PHF3: variants seen among roughly 807,000 people sequenced by gnomAD.
PHF3 encodes the protein PHD finger protein 3.
PHF3 carries 41 observed loss-of-function variants against 178.4 expected under a neutral mutation model. The observed-to-expected ratio is 0.23, with a 90% CI of 0.18 to 0.30. The LOEUF is 0.30. PHF3 is among the 10% of genes least tolerant of loss of function. The pLI is 1.00. For missense variants in PHF3, 2,346 were observed against 2,398.1 expected, an observed-to-expected ratio of 0.98 and a Z score of 0.45; for synonymous variants, 842 against 800.5, an observed-to-expected ratio of 1.05 and a Z score of -0.88.
intron 1 of PHF3, 63 bp from the exon 2 acceptor site, chr6:63,646,464 G>T: frequency 9.0e-7 from 1 of 1,109,378 alleles, no homozygotes; most frequent in Non-Finnish European, 1.3e-6. Context: ...AAAATAATTT[G>T]GTATTAGGTG....
At position 63,684,164 on chromosome 6, in the gene PHF3, A is replaced by C. The variant is rs1395886555; in HGVS notation, c.442A>C (p.Lys148Gln). Residue 148 changes from lysine (K) to glutamine (Q), a missense_variant, in exon 4 of 16, where the codon AAG becomes CAG. By Grantham distance (53) the Lys-to-Gln change is moderately conservative. Transcript: ENST00000262043. ...VRSLRQSTIA[K>Q]RSNAAPLSNT... is the part of the protein sequence containing the mutation. ...AAGTTTGCGACAGAGCACTATTGCCAAGCGTTCAAATGCAGCACCATTAAG... is the reference window on the plus strand; with the variant it reads ...AAGTTTGCGACAGAGCACTATTGCCCAGCGTTCAAATGCAGCACCATTAAG... 1 of 1,612,522 alleles carries C rather than the reference A, an allele frequency of 6.2e-7. No homozygotes were observed. Among genetic ancestry groups the C allele is most frequent in the Admixed American group, 1.7e-5 (1 of 59,694 alleles).
At chr6:63,703,302 C>T (rs941427961) in intron 10 of PHF3, among the ~76,000 whole-genome samples, 1 of 151,936 alleles carries the variant, frequency 6.6e-6, no homozygotes, top group African/African-American at 2.4e-5. Context: ...TGAAATCTTA[C>T]TAGAAGGCTT....
chr6:63,695,449 C>G (rs1767192984), intron 6 of PHF3, among the ~76,000 whole-genome samples: 2 of 152,270 alleles, frequency 1.3e-5, no homozygotes, highest in South Asian at 4.1e-4. Context: ...CCAAGGATCC[C>G]AGAATTCCAG....
chr6:63,637,675 A>G (rs1310035154), intron 1 of PHF3, among the ~76,000 whole-genome samples: 3 of 152,104 alleles, frequency 2.0e-5, no homozygotes, highest in African/African-American at 7.2e-5. Flanking sequence ...TTATTTTACA[A>G]TACATACTTC....
intron 14 of PHF3, among the ~76,000 whole-genome samples, chr6:63,710,041 C>G (rs1767861825): frequency 6.6e-6 from 1 of 152,030 alleles, no homozygotes; most frequent in Non-Finnish European, 1.5e-5. Context: ...ATAAATAAAT[C>G]TTGAATGAAT....
intron 3 of PHF3, among the ~76,000 whole-genome samples, chr6:63,683,148 CTA>C (rs1766512698): frequency 6.6e-6 from 1 of 151,816 alleles, no homozygotes; most frequent in South Asian, 2.1e-4. Flanking sequence ...ATAAGGATGA[CTA>C]TATAATTTTA....
At position 63,725,413 on chromosome 6, in the gene PHF3, C is replaced by T. The variant is rs1235124855; in HGVS notation, c.*11705C>T. On this transcript the variant is annotated 3_prime_UTR_variant, in exon 16 of 16. Transcript: ENST00000262043. ...TCCTGAATATACCTTGATTTTCTGC[C>T]CTCTTACATAGGTCCCACTTAACAT... Among the ~76,000 whole-genome samples, 3 of 152,022 alleles carry T rather than the reference C, an allele frequency of 2.0e-5. No homozygotes were observed. The highest frequency in any genetic ancestry group is 4.4e-5 in the Non-Finnish European group (3 of 67,970).
In PHF3 at chr6:63,715,525, A is replaced by T. The variant is rs1180603385; in HGVS notation, c.*1817A>T. On this transcript the variant is annotated 3_prime_UTR_variant, in exon 16 of 16. Coordinates refer to ENST00000262043, the MANE Select transcript of PHF3 (RefSeq NM_001370348.2). The stretch of plus-strand genomic sequence containing the variant: ...TCAGACTCCAGATTTCTTTTGCAAG[A>T]TGAAAGTAAAAACGAGTGGGTTAAT... 2 of 152,184 alleles carry T rather than the reference A, an allele frequency of 1.3e-5. No individual in the cohort carries two copies. Among genetic ancestry groups the T allele is most frequent in the Non-Finnish European group, 2.9e-5 (2 of 68,020 alleles). The allele number at this position is 152,184 out of a possible 1,614,324, so 9.4% of individuals were successfully genotyped here. A position where few individuals can be genotyped will look rare whatever the true frequency, so the allele number is the denominator to read the frequency against.
At chr6:63,687,024 A>G (rs923743407) in intron 4 of PHF3, among the ~76,000 whole-genome samples, 4 of 152,218 alleles carry the variant, frequency 2.6e-5, no homozygotes, top group Admixed American at 2.0e-4. Flanking sequence ...GGGTTAGTTT[A>G]TAACAATATA....
Position 63,646,423 on chromosome 6 carries a change from C to A in PHF3, c.-25-104C>A, listed in dbSNP as rs1764787833. 6 of 699,332 alleles carry A rather than the reference C, an allele frequency of 8.6e-6. No individual in the cohort carries two copies. In the Admixed American group the frequency reaches 1.4e-4, roughly 16 times the overall value. 43.3% of individuals were successfully genotyped at this position (699,332 alleles called of 1,614,324 possible). On this transcript the variant is annotated intron_variant, in intron 1 of 15. Transcript: ENST00000262043. ...TTTTTTAAACAACAATTCAGAAATA[C>A]CTTAAGTGTGTTCTTAGACTCAAAA...
intron 8 of PHF3, among the ~76,000 whole-genome samples, chr6:63,699,779 CG>C (rs1162754808): frequency 6.6e-6 from 1 of 151,936 alleles, no homozygotes; most frequent in Non-Finnish European, 1.5e-5. Context: ...TTAGTAGAGA[CG>C]GGGTTTCACC....
intron 2 of PHF3, among the ~76,000 whole-genome samples, chr6:63,668,775 A>G (rs1765785358): frequency 6.6e-6 from 1 of 152,034 alleles, no homozygotes; most frequent in Admixed American, 6.6e-5. Flanking sequence ...TGTACTTTTA[A>G]TTGTGTGTTC....
chr6:63,640,684 C>T (rs1764535041), intron 1 of PHF3, among the ~76,000 whole-genome samples: 1 of 152,184 alleles, frequency 6.6e-6, no homozygotes, highest in African/African-American at 2.4e-5. Flanking sequence ...CTTTTAGTTC[C>T]ATCACCTACT....
intron 6 of PHF3, among the ~76,000 whole-genome samples, chr6:63,696,875 T>C (rs1767251173): frequency 6.6e-6 from 1 of 152,038 alleles, no homozygotes; most frequent in African/African-American, 2.4e-5. Context: ...AAAAAACCAG[T>C]TGTAGTGGCT....
At position 63,711,568 on chromosome 6, in the gene PHF3, G is replaced by A; in HGVS notation, c.3998-18G>A. ...GATTGAAAATGATGAATTAATTGAT[G>A]TTTTTGGTTTTATACAGGGCTTGAA... On this transcript the variant is annotated intron_variant, in intron 15 of 15. Coordinates refer to ENST00000262043, the MANE Select transcript of PHF3 (RefSeq NM_001370348.2). The A allele has an allele frequency of 1.9e-6, 3 of 1,539,952 alleles. No individual in the cohort carries two copies. Among genetic ancestry groups the A allele is most frequent in the South Asian group, 1.3e-5 (1 of 79,768 alleles).
intron 1 of PHF3, among the ~76,000 whole-genome samples, chr6:63,642,746 A>G (rs1291544439): frequency 6.6e-6 from 1 of 152,186 alleles, no homozygotes; most frequent in East Asian, 1.9e-4. Flanking sequence ...TGCCAAATAT[A>G]GGAAAGCATT....
chr6:63,702,985 C>T (rs1767538675), intron 10 of PHF3, among the ~76,000 whole-genome samples: 1 of 152,202 alleles, frequency 6.6e-6, no homozygotes, highest in African/African-American at 2.4e-5. Flanking sequence ...TCAAGCGATG[C>T]TGCCACCTCA....
chr6:63,652,675 T>A (rs983669225), intron 2 of PHF3, among the ~76,000 whole-genome samples: 2 of 152,184 alleles, frequency 1.3e-5, no homozygotes, highest in Non-Finnish European at 2.9e-5. Context: ...GATCTTACAT[T>A]TAAGTCTTTA....
At chr6:63,673,708 C>T (rs1167719038) in intron 2 of PHF3, among the ~76,000 whole-genome samples, 1 of 152,162 alleles carries the variant, frequency 6.6e-6, no homozygotes, top group African/African-American at 2.4e-5. Context: ...GACTGGAATG[C>T]CTCCCAGACC....
Sources: gnomAD v4.1 joint callset for allele counts (sites outside exome capture counted in the v4.1 genomes callset) on GRCh38, gnomAD v4.1.1 for gene constraint, MANE v1.5 for transcripts, NCBI Gene and HGNC (gene_info 2026-07-23, HGNC 2026-07-21) for gene names.